MAMDC2: variants seen among roughly 807,000 people sequenced by gnomAD.
The protein encoded by MAMDC2 is MAM domain containing 2.
A neutral mutation model predicts 89.8 loss-of-function variants in MAMDC2; 57 were observed. The observed-to-expected ratio is 0.63, with a 90% CI of 0.51 to 0.79. The LOEUF (loss-of-function observed/expected upper bound fraction) is 0.79. MAMDC2 is among the 30% of genes least tolerant of loss of function. MAMDC2 has a pLI of 0.00. For missense variants in MAMDC2, 800 were observed against 820.6 expected (o/e 0.97, Z 0.31); for synonymous variants, 313 against 293.4 (o/e 1.07, Z -0.68).
At chr9:70,153,046 C>T (rs2031633378) in intron 9 of MAMDC2, 1 of 152,074 alleles carries the variant, frequency 6.6e-6, no homozygotes, top group Non-Finnish European at 1.5e-5. Context: ...CTCTGAAGTT[C>T]TTTAAACTAA....
intron 12 of MAMDC2, among the ~76,000 whole-genome samples, chr9:70,225,460 T>C (rs977298015): frequency 2.6e-5 from 4 of 152,130 alleles, no homozygotes; most frequent in Admixed American, 2.6e-4. Flanking sequence ...GGAAACCAGG[T>C]TACCACCAAG....
intron 11 of MAMDC2, among the ~76,000 whole-genome samples, chr9:70,197,937 C>T (rs969736852): frequency 5.5e-4 from 84 of 152,042 alleles, no homozygotes; most frequent in African/African-American, 1.9e-3. Context: ...TATCTCATCA[C>T]GAATGCATTT....
intron 4 of MAMDC2, 27 bp downstream of exon 4, chr9:70,109,831 C>T: frequency 6.4e-7 from 1 of 1,565,768 alleles, no homozygotes; most frequent in Non-Finnish European, 8.8e-7. Flanking sequence ...TTCATTAAAT[C>T]AAATTGTGAA....
intron 2 of MAMDC2, among the ~76,000 whole-genome samples, chr9:70,074,190 G>A (rs1030674771): frequency 6.6e-6 from 1 of 152,150 alleles, no homozygotes; most frequent in Non-Finnish European, 1.5e-5. Context: ...ATGGTCTCAG[G>A]CAGTGGCAAA....
At chr9:70,052,739 A>T (rs1400323452) in intron 2 of MAMDC2, among the ~76,000 whole-genome samples, 2 of 152,220 alleles carry the variant, frequency 1.3e-5, no homozygotes, top group Non-Finnish European at 2.9e-5. Flanking sequence ...AAAAAATAAA[A>T]AATCCTTAAC....
At chr9:70,170,682 A>G (rs776004292) in intron 11 of MAMDC2, 51 bp downstream of exon 11, 1 of 1,501,232 alleles carries the variant, frequency 6.7e-7, no homozygotes, top group Non-Finnish European at 8.9e-7. Context: ...CTAAAATAGC[A>G]TTCTAGGAAT....
chr9:70,182,593 T>G (rs1160122133), intron 11 of MAMDC2, among the ~76,000 whole-genome samples: 1 of 152,214 alleles, frequency 6.6e-6, no homozygotes, highest in Non-Finnish European at 1.5e-5. Flanking sequence ...GGAGGGTGTA[T>G]GTGTCCAGGA....
chr9:70,210,118 T>C (rs1480301765), intron 11 of MAMDC2, among the ~76,000 whole-genome samples: 1 of 152,206 alleles, frequency 6.6e-6, no homozygotes, highest in Non-Finnish European at 1.5e-5. Context: ...TCTGTCGATT[T>C]GGGGTGGAGA....
At chr9:70,171,519 T>A (rs983167347) in intron 11 of MAMDC2, among the ~76,000 whole-genome samples, 1 of 151,964 alleles carries the variant, frequency 6.6e-6, no homozygotes, top group African/African-American at 2.4e-5. Flanking sequence ...AATAATAAAT[T>A]AAAAAGTACC....
intron 11 of MAMDC2, chr9:70,173,009 A>G (rs1295673528): frequency 6.6e-6 from 1 of 152,276 alleles, no homozygotes; most frequent in East Asian, 1.9e-4. Context: ...TTACAGAAAG[A>G]GACTACTGTG....
At chr9:70,149,879 G>A (rs2031530235) in intron 9 of MAMDC2, among the ~76,000 whole-genome samples, 1 of 152,218 alleles carries the variant, frequency 6.6e-6, no homozygotes, top group Admixed American at 6.5e-5. Context: ...ACCAGGCATG[G>A]TAGCCCAGCA....
chr9:70,208,678 G>A (rs955966319), intron 11 of MAMDC2, among the ~76,000 whole-genome samples: 9 of 152,182 alleles, frequency 5.9e-5, no homozygotes, highest in African/African-American at 2.2e-4. Flanking sequence ...ATGCTGAATA[G>A]GAGTGGTGAG....
In MAMDC2 at chr9:70,195,833, G is replaced by A. The variant is rs2032964642; in HGVS notation, c.1652-22504G>A. Among the ~76,000 whole-genome samples, 3 of 152,216 alleles carry A rather than the reference G, an allele frequency of 2.0e-5. No homozygotes were observed. In the South Asian group the frequency reaches 6.2e-4, roughly 32 times the overall value. On this transcript the variant is annotated intron_variant, in intron 11 of 13. Transcript: ENST00000377182. The stretch of plus-strand genomic sequence containing the variant: ...TAAAGTGCTTCCTTTAAGTGAAAAG[G>A]TGAAAGTTCTCGACTTGATAAGGAA...
intron 11 of MAMDC2, among the ~76,000 whole-genome samples, chr9:70,208,296 CTT>C (rs1166911519): frequency 6.6e-6 from 1 of 152,168 alleles, no homozygotes; most frequent in African/African-American, 2.4e-5. Context: ...TTTGTGTCCT[CTT>C]TTATTTCATT....
intron 1 of MAMDC2, 74 bp from the exon 2 acceptor site, chr9:70,044,510 C>A: frequency 8.3e-7 from 1 of 1,199,732 alleles, no homozygotes; most frequent in Non-Finnish European, 1.2e-6. Context: ...ACCAGGTAGT[C>A]CCCCTGGGGC....
intron 2 of MAMDC2, among the ~76,000 whole-genome samples, chr9:70,067,701 G>A (rs757007791): frequency 1.3e-5 from 2 of 152,166 alleles, no homozygotes; most frequent in Non-Finnish European, 2.9e-5. Context: ...CTTTCAGTTC[G>A]GTGATGTAAG....
chr9:70,084,197 C>T (rs1158947883), intron 2 of MAMDC2, among the ~76,000 whole-genome samples: 1 of 152,036 alleles, frequency 6.6e-6, no homozygotes, highest in Non-Finnish European at 1.5e-5. Flanking sequence ...AAATCTCTCA[C>T]TCAGGTCTTT....
intron 11 of MAMDC2, among the ~76,000 whole-genome samples, chr9:70,200,451 G>A (rs1185043850): frequency 2.0e-5 from 3 of 151,060 alleles, no homozygotes; most frequent in Non-Finnish European, 4.4e-5. Flanking sequence ...TTTGGTTACT[G>A]TAGCCTTGTA....
At chr9:70,166,681 A>T (rs1017973683) in intron 9 of MAMDC2, among the ~76,000 whole-genome samples, 1 of 152,158 alleles carries the variant, frequency 6.6e-6, no homozygotes, top group East Asian at 1.9e-4. Flanking sequence ...TTTTATGGTC[A>T]CTATAAAACA....
Sources: allele counts gnomAD v4.1 joint callset (sites outside exome capture counted in the v4.1 genomes callset), GRCh38; gene constraint gnomAD v4.1.1; transcripts MANE v1.5; gene names NCBI Gene and HGNC (gene_info 2026-07-23, HGNC 2026-07-21).